XKR4: variants seen among roughly 807,000 people sequenced by gnomAD.
The protein encoded by XKR4 is XK related 4.
A neutral mutation model predicts 53.9 loss-of-function variants in XKR4; 12 were observed. The observed-to-expected ratio is 0.22, with a 90% CI of 0.14 to 0.36. The LOEUF (loss-of-function observed/expected upper bound fraction) is 0.36. Among genes scored for constraint, XKR4 ranks in the 10% least tolerant of loss-of-function variants. The pLI is 1.00. For synonymous variants in XKR4, 354 were observed against 362.4 expected, an observed-to-expected ratio of 0.98 and a Z score of 0.26; for missense variants, 799 against 859.5, an observed-to-expected ratio of 0.93 and a Z score of 0.88.
Position 55,527,992 on chromosome 8 carries a change from ATATG to A in XKR4, c.*3772_*3775del, listed in dbSNP as rs936530352. Reference sequence around the variant, plus strand: ...CATATATGTATATATACGTACCTATATATGTATGTACACACACACACACACACAC... The same window carrying A: ...CATATATGTATATATACGTACCTATATATGTACACACACACACACACACAC... On this transcript the variant is annotated 3_prime_UTR_variant, in exon 3 of 3. Coordinates refer to ENST00000327381, the MANE Select transcript of XKR4 (RefSeq NM_052898.2). 2.6e-5 allele frequency: 4 copies of A among 151,988 alleles called. 1 individual carries two copies. The highest frequency in any genetic ancestry group is 4.1e-4 in the South Asian group (2 of 4,828). 9.4% of individuals were successfully genotyped at this position (151,988 alleles called of 1,614,324 possible).
chr8:55,344,259 G>C (rs1050916806), intron 1 of XKR4, among the ~76,000 whole-genome samples: 6 of 152,164 alleles, frequency 3.9e-5, no homozygotes, highest in African/African-American at 1.2e-4. Flanking sequence ...AAGTGAAGCA[G>C]TAAAATGCTA....
At chr8:55,128,427 C>G (rs1482174879) in intron 1 of XKR4, among the ~76,000 whole-genome samples, 1 of 152,216 alleles carries the variant, frequency 6.6e-6, no homozygotes, top group African/African-American at 2.4e-5. Flanking sequence ...AAGACACTCA[C>G]AGGCTGCTGA....
Position 55,536,458 on chromosome 8 carries a change from G to A in XKR4, c.*12231G>A, listed in dbSNP as rs1807033906. 1 of 152,192 alleles carries A rather than the reference G, an allele frequency of 6.6e-6. No homozygotes were observed. The highest frequency in any genetic ancestry group is 1.9e-4 in the East Asian group (1 of 5,204). 9.4% of individuals were successfully genotyped at this position (152,192 alleles called of 1,614,324 possible). ...CTGTCCACATGACTGCAAATATCCT[G>A]ATGAAAAGTGGCCAAGTAGATCACT... On this transcript the variant is annotated 3_prime_UTR_variant, in exon 3 of 3. Transcript: ENST00000327381.
intron 2 of XKR4, among the ~76,000 whole-genome samples, chr8:55,397,082 T>A (rs1427798017): frequency 6.6e-6 from 1 of 152,240 alleles, no homozygotes. Flanking sequence ...TACGATTGAC[T>A]GGCCTAATTC....
chr8:55,520,262 C>G (rs1563372104), intron 2 of XKR4, among the ~76,000 whole-genome samples: 2 of 152,188 alleles, frequency 1.3e-5, no homozygotes, highest in Admixed American at 6.5e-5. Context: ...TTATAAAAAT[C>G]AATTGTTAAA....
intron 2 of XKR4, among the ~76,000 whole-genome samples, chr8:55,457,985 G>C (rs1328104066): frequency 5.3e-5 from 8 of 152,078 alleles, no homozygotes; most frequent in African/African-American, 1.7e-4. Flanking sequence ...GAAATTTAAA[G>C]ATCTAAATGA....
intron 1 of XKR4, among the ~76,000 whole-genome samples, chr8:55,262,069 C>T (rs1298696902): frequency 1.3e-5 from 2 of 151,784 alleles, no homozygotes; most frequent in Non-Finnish European, 2.9e-5. Context: ...TGAAAACTGC[C>T]TTAGATAAGT....
intron 2 of XKR4, among the ~76,000 whole-genome samples, chr8:55,497,862 C>T (rs1806375469): frequency 6.6e-6 from 1 of 152,114 alleles, no homozygotes; most frequent in African/African-American, 2.4e-5. Flanking sequence ...ACCTTCCCAC[C>T]TCACACCGAG....
chr8:55,400,372 C>T (rs1489720340), intron 2 of XKR4, among the ~76,000 whole-genome samples: 26 of 152,192 alleles, frequency 1.7e-4, no homozygotes, highest in Admixed American at 1.7e-3. Flanking sequence ...GATCTACATA[C>T]CCATACCTCC....
At chr8:55,481,235 T>A (rs1365639616) in intron 2 of XKR4, among the ~76,000 whole-genome samples, 1 of 152,096 alleles carries the variant, frequency 6.6e-6, no homozygotes, top group Non-Finnish European at 1.5e-5. Context: ...CCCTTAGAAA[T>A]AATGCCACAT....
intron 1 of XKR4, among the ~76,000 whole-genome samples, chr8:55,272,055 A>G (rs536961804): frequency 9.2e-5 from 14 of 152,332 alleles, no homozygotes; most frequent in African/African-American, 3.4e-4. Flanking sequence ...TTATACATAA[A>G]GGTGGTGGTG....
At chr8:55,418,380 TA>T (rs1804880012) in intron 2 of XKR4, among the ~76,000 whole-genome samples, 1 of 152,242 alleles carries the variant, frequency 6.6e-6, no homozygotes, top group South Asian at 2.1e-4. Flanking sequence ...TTGTTCAGGC[TA>T]AAACCCTTTC....
At chr8:55,307,169 T>C (rs1468000536) in intron 1 of XKR4, among the ~76,000 whole-genome samples, 2 of 152,104 alleles carry the variant, frequency 1.3e-5, no homozygotes, top group Non-Finnish European at 2.9e-5. Flanking sequence ...AAACATTTGC[T>C]CTGTGGAAGA....
At chr8:55,279,461 C>T (rs1265763342) in intron 1 of XKR4, among the ~76,000 whole-genome samples, 1 of 152,194 alleles carries the variant, frequency 6.6e-6, no homozygotes, top group Non-Finnish European at 1.5e-5. Context: ...TGCTCTTTTG[C>T]TCACTTTTTA....
chr8:55,221,238 A>T (rs1260786986), intron 1 of XKR4, among the ~76,000 whole-genome samples: 1 of 152,256 alleles, frequency 6.6e-6, no homozygotes, highest in Non-Finnish European at 1.5e-5. Context: ...TACAAAAATT[A>T]TATAAGATAA....
chr8:55,183,438 A>G (rs1376809740), intron 1 of XKR4, among the ~76,000 whole-genome samples: 1 of 151,584 alleles, frequency 6.6e-6, no homozygotes, highest in African/African-American at 2.4e-5. Flanking sequence ...TTCATTGTTC[A>G]TTTTCATTCA....
chr8:55,463,895 C>T (rs1027907350), intron 2 of XKR4, among the ~76,000 whole-genome samples: 19 of 151,966 alleles, frequency 1.3e-4, no homozygotes, highest in African/African-American at 2.7e-4. Flanking sequence ...ATAAATTCCT[C>T]GACACATACA....
intron 1 of XKR4, among the ~76,000 whole-genome samples, chr8:55,131,669 T>TA (rs901759421): frequency 2.6e-5 from 4 of 152,218 alleles, no homozygotes; most frequent in Non-Finnish European, 4.4e-5. Context: ...TTGTAAAAGA[T>TA]ATCCCAGCAT....
chr8:55,523,784 G>A lies in XKR4; in HGVS notation c.1510G>A (p.Val504Ile). 6.2e-7 allele frequency: 1 copy of A among 1,614,172 alleles called. No individual in the cohort carries two copies. Among genetic ancestry groups the A allele is most frequent in the South Asian group, 1.1e-5 (1 of 91,072 alleles). Residue 504 changes from valine to isoleucine, a missense_variant, in exon 3 of 3, where the codon GTT becomes ATT. By Grantham distance (29) the Val-to-Ile change is conservative. Transcript: ENST00000327381. ...VVFSSFLTGV[V>I]FMLMYYAFFH... ...GTTCAGCAGCTTTTTAACTGGCGTT[G>A]TTTTTATGCTGATGTATTATGCCTT...
Sources: allele counts gnomAD v4.1 joint callset (sites outside exome capture counted in the v4.1 genomes callset), GRCh38; gene constraint gnomAD v4.1.1; transcripts MANE v1.5; gene names NCBI Gene and HGNC (gene_info 2026-07-23, HGNC 2026-07-21).